Variants in SEPSECS observed in about 807,000 individuals in gnomAD.
SEPSECS encodes Sep (O-phosphoserine) tRNA:Sec (selenocysteine) tRNA synthase.
In SEPSECS, 42 loss-of-function variants were observed where a neutral mutation model predicts 52.1. The ratio of observed to expected loss-of-function variants is 0.81; its 90% CI spans 0.63 to 1.04. The LOEUF is 1.04. Ranked by LOEUF, SEPSECS falls within the 50% of genes least tolerant of loss-of-function variation. The pLI, the probability that SEPSECS is intolerant of heterozygous loss-of-function variation, is 0.00. For missense variants in SEPSECS, 590 were observed against 610.6 expected, an observed-to-expected ratio of 0.97 and a Z score of 0.36; for synonymous variants, 216 against 211.4, an observed-to-expected ratio of 1.02 and a Z score of -0.19.
chr4:25,131,678 T>C (rs1728612222), intron 8 of SEPSECS, among the ~76,000 whole-genome samples: 1 of 152,250 alleles, frequency 6.6e-6, no homozygotes, highest in Non-Finnish European at 1.5e-5. Flanking sequence ...TTTTCAAACT[T>C]AGCTCTGCTA....
At position 25,137,932 on chromosome 4, in the gene SEPSECS, G is replaced by A. The variant is rs558923577; in HGVS notation, c.1026+6842C>T. ...CCTTTGCACGGACATGGATGGAGCTGGAAGACTATCCTCAGCAAACTAAAG... is the reference window on the plus strand; with the variant it reads ...CCTTTGCACGGACATGGATGGAGCTAGAAGACTATCCTCAGCAAACTAAAG... On this transcript the variant is annotated intron_variant, in intron 8 of 10. Coordinates refer to ENST00000382103, the MANE Select transcript of SEPSECS (RefSeq NM_016955.4). Among the ~76,000 whole-genome samples the A allele has an allele frequency of 2.0e-5, 3 of 152,196 alleles. No individual in the cohort carries two copies. The South Asian group carries it at 6.2e-4, about 32-fold the overall frequency.
intron 8 of SEPSECS, among the ~76,000 whole-genome samples, chr4:25,129,221 G>A (rs1158504342): frequency 2.0e-5 from 3 of 152,054 alleles, no homozygotes; most frequent in African/African-American, 7.2e-5. Context: ...ACTGCTACAT[G>A]TGATAAGCCT....
chr4:25,159,362 TAAGTGAAACTAACTGAA>T (rs1203373344), intron 1 of SEPSECS: 1 of 461,710 alleles, frequency 2.2e-6, no homozygotes, highest in Non-Finnish European at 3.8e-6. Context: ...TAAATTTCCG[TAAGTGAAACTAACTGAA>T]AACCAATACA....
intron 4 of SEPSECS, among the ~76,000 whole-genome samples, chr4:25,155,754 G>A (rs576779279): frequency 6.6e-6 from 1 of 152,180 alleles, no homozygotes; most frequent in South Asian, 2.1e-4. Flanking sequence ...CATAAAAATT[G>A]TTTTCACATT....
At chr4:25,126,650 T>C (rs1728385051) in intron 9 of SEPSECS, among the ~76,000 whole-genome samples, 1 of 152,212 alleles carries the variant, frequency 6.6e-6, no homozygotes, top group South Asian at 2.1e-4. Flanking sequence ...GCCCCTACAT[T>C]ACATGATAAA....
intron 6 of SEPSECS, among the ~76,000 whole-genome samples, chr4:25,149,858 A>C (rs1712198252): frequency 6.6e-6 from 1 of 152,238 alleles, no homozygotes; most frequent in African/African-American, 2.4e-5. Flanking sequence ...TTAAAAAGTT[A>C]AGGAATAGCA....
intron 8 of SEPSECS, among the ~76,000 whole-genome samples, chr4:25,140,401 T>C (rs918825980): frequency 4.6e-5 from 7 of 152,232 alleles, no homozygotes; most frequent in African/African-American, 1.4e-4. Flanking sequence ...TTTACAGCCA[T>C]ATAAATCCAC....
chr4:25,123,240 A>G lies in SEPSECS; in HGVS notation c.*691T>C, dbSNP rs1728203710. Reference sequence around the variant, plus strand: ...ATCTACTTTAGAGGAGTATTTCTCAACCTCAGCACTAATGACATTTTGGGC... The same window carrying G: ...ATCTACTTTAGAGGAGTATTTCTCAGCCTCAGCACTAATGACATTTTGGGC... On this transcript the variant is annotated 3_prime_UTR_variant, in exon 11 of 11. Coordinates refer to ENST00000382103, the MANE Select transcript of SEPSECS (RefSeq NM_016955.4). The G allele has an allele frequency of 6.6e-6, 1 of 152,412 alleles. No individual in the cohort carries two copies. Among genetic ancestry groups the G allele is most frequent in the Non-Finnish European group, 1.5e-5 (1 of 68,254 alleles). The allele number at this position is 152,412 out of a possible 1,614,324, so 9.4% of individuals were successfully genotyped here.
Position 25,158,950 on chromosome 4 carries a change from T to C in SEPSECS, c.269+3A>G, listed in dbSNP as rs951778859. On this transcript the variant is annotated splice_donor_region_variant and intron_variant, in intron 2 of 10. Coordinates refer to ENST00000382103, the MANE Select transcript of SEPSECS (RefSeq NM_016955.4). ...ATCTCCTGTACTACTTAAAAAAAGA[T>C]ACCTGTAATGACGACGAGCAACCAG... 3 of 1,613,518 alleles carry C rather than the reference T, an allele frequency of 1.9e-6. No individual in the cohort carries two copies. Among genetic ancestry groups the C allele is most frequent in the Admixed American group, 3.3e-5 (2 of 60,026 alleles).
At chr4:25,153,375 A>AT (rs1553881312) in intron 5 of SEPSECS, among the ~76,000 whole-genome samples, 1 of 151,858 alleles carries the variant, frequency 6.6e-6, no homozygotes, top group Non-Finnish European at 1.5e-5. Context: ...AAGAAAAAAA[A>AT]TAACTTGTGA....
intron 1 of SEPSECS, chr4:25,159,494 G>T: frequency 2.7e-6 from 1 of 369,434 alleles, no homozygotes; most frequent in Admixed American, 3.4e-5. Context: ...TTGGCCACGC[G>T]CTGTAGCTCA....
chr4:25,140,691 G>A (rs1246010400), intron 8 of SEPSECS, among the ~76,000 whole-genome samples: 1 of 152,176 alleles, frequency 6.6e-6, no homozygotes, highest in African/African-American at 2.4e-5. Context: ...GTATAAGGAT[G>A]TATATGGTAT....
At position 25,123,660 on chromosome 4, in the gene SEPSECS, C is replaced by G; in HGVS notation, c.*271G>C. On this transcript the variant is annotated 3_prime_UTR_variant, in exon 11 of 11. Transcript: ENST00000382103. ...CTGTCATTACACTAGTAAAAATTAT[C>G]TGAGTCATGATGCTTAATTGACAGA... 2.2e-6 allele frequency: 1 copy of G among 445,528 alleles called. No homozygotes were observed. Among genetic ancestry groups the G allele is most frequent in the South Asian group, 2.7e-5 (1 of 37,542 alleles). The allele number at this position is 445,528 out of a possible 1,614,324, so 27.6% of individuals were successfully genotyped here. A position where few individuals can be genotyped will look rare whatever the true frequency, so the allele number is the denominator to read the frequency against.
rs1243361555 is a variant in SEPSECS at position 25,158,933 on chromosome 4, T to A, written c.269+20A>T. 1 of 1,609,830 alleles carries A rather than the reference T, an allele frequency of 6.2e-7. No homozygotes were observed. Among genetic ancestry groups the A allele is most frequent in the South Asian group, 1.1e-5 (1 of 90,994 alleles). On this transcript the variant is annotated intron_variant, in intron 2 of 10. Coordinates refer to ENST00000382103, the MANE Select transcript of SEPSECS (RefSeq NM_016955.4). ...AAATAAATAAACGATGTATCTCCTG[T>A]ACTACTTAAAAAAAGATACCTGTAA... is the stretch of plus-strand genomic sequence containing the variant.
intron 1 of SEPSECS, chr4:25,159,521 G>A (rs1377071374): frequency 2.4e-6 from 1 of 420,844 alleles, no homozygotes; most frequent in East Asian, 8.5e-5. Context: ...CCTGTAATCC[G>A]AGCACTTTGG....
chr4:25,134,320 ATGTGTGTGTGTGTGTG>A (rs3066762), intron 8 of SEPSECS, among the ~76,000 whole-genome samples: 4 of 145,000 alleles, frequency 2.8e-5, no homozygotes, highest in East Asian at 2.0e-4. Flanking sequence ...ATCTTTAAAA[ATGTGTGTGTGTGTGTG>A]TGTGTGTGTG....
intron 8 of SEPSECS, among the ~76,000 whole-genome samples, chr4:25,135,378 G>C (rs1728800898): frequency 6.6e-6 from 1 of 151,884 alleles, no homozygotes; most frequent in South Asian, 2.1e-4. Context: ...ATGATAAACG[G>C]GGTATCACCA....
At chr4:25,152,828 A>T (rs571051965) in intron 5 of SEPSECS, among the ~76,000 whole-genome samples, 1 of 152,104 alleles carries the variant, frequency 6.6e-6, no homozygotes, top group South Asian at 2.1e-4. Flanking sequence ...TCATGCTATG[A>T]AACTAAAACT....
At chr4:25,132,259 T>C (rs1165471779) in intron 8 of SEPSECS, among the ~76,000 whole-genome samples, 4 of 152,186 alleles carry the variant, frequency 2.6e-5, no homozygotes, top group Non-Finnish European at 4.4e-5. Context: ...AATAAGGGCA[T>C]AGAATGAAAA....
Sources: gnomAD v4.1 joint callset for allele counts (sites outside exome capture counted in the v4.1 genomes callset) on GRCh38, gnomAD v4.1.1 for gene constraint, MANE v1.5 for transcripts, NCBI Gene and HGNC (gene_info 2026-07-23, HGNC 2026-07-21) for gene names.